TNFRSF10A: variants seen among roughly 807,000 people sequenced by gnomAD.
The protein encoded by TNFRSF10A is tumor necrosis factor receptor superfamily member 10A.
A neutral mutation model predicts 42.8 loss-of-function variants in TNFRSF10A; 44 were observed. The observed-to-expected ratio is 1.03, with a 90% CI of 0.81 to 1.32. TNFRSF10A has a LOEUF of 1.32. Among genes scored for constraint, TNFRSF10A ranks in the 40% most tolerant of loss-of-function variants. TNFRSF10A has a pLI of 0.00. For missense variants in TNFRSF10A, 680 were observed against 602.0 expected (o/e 1.13, Z -1.36); for synonymous variants, 259 against 234.2 (o/e 1.11, Z -0.97).
intron 8 of TNFRSF10A, among the ~76,000 whole-genome samples, chr8:23,197,575 G>A (rs1026775025): frequency 6.6e-6 from 1 of 151,930 alleles, no homozygotes; most frequent in South Asian, 2.1e-4. Flanking sequence ...ACAAGCTCAG[G>A]GCTCCCACTG....
intron 7 of TNFRSF10A, 121 bp downstream of exon 7, chr8:23,199,765 G>T: frequency 7.3e-7 from 1 of 1,375,980 alleles, no homozygotes; most frequent in Non-Finnish European, 1.0e-6. Context: ...CAGCATCCAG[G>T]CCACTTCAGA....
At chr8:23,202,815 T>G in intron 2 of TNFRSF10A, 54 bp from the exon 3 acceptor site, 63 of 1,289,388 alleles carry the variant, frequency 4.9e-5, no homozygotes, top group Non-Finnish European at 6.8e-5. Flanking sequence ...TCCCAGAGGA[T>G]CGTGGCGGTG....
intron 1 of TNFRSF10A, among the ~76,000 whole-genome samples, chr8:23,221,911 CAG>C (rs1563388024): frequency 6.6e-6 from 1 of 151,772 alleles, no homozygotes; most frequent in Non-Finnish European, 1.5e-5. Flanking sequence ...GAGTCTCGCT[CAG>C]TCGCCCAGGC....
At chr8:23,201,682 T>G in intron 4 of TNFRSF10A, 126 bp downstream of exon 4, 1 of 822,028 alleles carries the variant, frequency 1.2e-6, no homozygotes, top group Non-Finnish European at 2.0e-6. Flanking sequence ...GGGACACCTA[T>G]GGGGGTGGAG....
chr8:23,213,954 T>C (rs1169533300), intron 1 of TNFRSF10A, among the ~76,000 whole-genome samples: 1 of 147,042 alleles, frequency 6.8e-6, no homozygotes, highest in Non-Finnish European at 1.5e-5. Context: ...CAGCTGCTTT[T>C]TGTTGTTGTT....
intron 1 of TNFRSF10A, among the ~76,000 whole-genome samples, chr8:23,221,518 C>T (rs1266058723): frequency 6.6e-6 from 1 of 152,276 alleles, no homozygotes. Flanking sequence ...AGAGCCAGGA[C>T]CTGGGGTGAG....
chr8:23,203,210 A>G (rs984452530), intron 2 of TNFRSF10A, among the ~76,000 whole-genome samples: 8 of 152,204 alleles, frequency 5.3e-5, no homozygotes, highest in Non-Finnish European at 1.0e-4. Context: ...TAATGGCCAC[A>G]TAGGCCTAGA....
In TNFRSF10A at chr8:23,201,750, G is replaced by T; in HGVS notation, c.629+58C>A. 2.7e-6 allele frequency: 4 copies of T among 1,488,418 alleles called. No homozygotes were observed. In the South Asian group the frequency reaches 4.6e-5, roughly 17 times the overall value. 92.2% of individuals were successfully genotyped at this position (1,488,418 alleles called of 1,614,324 possible). A position where few individuals can be genotyped will look rare whatever the true frequency, so the allele number is the denominator to read the frequency against. Reference sequence around the variant, plus strand: ...ACAAGGAGACTCGGGTCTTTTTAGGGTTCCTTGCTTCTGTGGGTTCTTTGA... The same window carrying T: ...ACAAGGAGACTCGGGTCTTTTTAGGTTTCCTTGCTTCTGTGGGTTCTTTGA... On this transcript the variant is annotated intron_variant, in intron 4 of 9. Coordinates refer to ENST00000221132, the MANE Select transcript of TNFRSF10A (RefSeq NM_003844.4).
At chr8:23,207,442 C>G in intron 2 of TNFRSF10A, 3 of 463,202 alleles carry the variant, frequency 6.5e-6, no homozygotes, top group Non-Finnish European at 4.1e-6. Context: ...GGCCCAGATG[C>G]CTTTACCACT....
At chr8:23,211,852 T>C (rs1388627635) in intron 2 of TNFRSF10A, among the ~76,000 whole-genome samples, 1 of 152,158 alleles carries the variant, frequency 6.6e-6, no homozygotes, top group Non-Finnish European at 1.5e-5. Context: ...TCTGATGCCA[T>C]TTACAAAAAT....
At chr8:23,192,509 G>A (rs1325221851) in intron 9 of TNFRSF10A, among the ~76,000 whole-genome samples, 1 of 152,190 alleles carries the variant, frequency 6.6e-6, no homozygotes, top group Non-Finnish European at 1.5e-5. Flanking sequence ...AGCAGGCCCT[G>A]ACCAAGAAGC....
At chr8:23,193,901 G>A (rs1161029282) in intron 9 of TNFRSF10A, among the ~76,000 whole-genome samples, 5 of 152,188 alleles carry the variant, frequency 3.3e-5, no homozygotes, top group African/African-American at 1.2e-4. Flanking sequence ...GAATGAGAAA[G>A]TAGGATGGAG....
intron 2 of TNFRSF10A, among the ~76,000 whole-genome samples, chr8:23,206,268 G>T (rs1349598008): frequency 2.6e-5 from 4 of 152,148 alleles, no homozygotes; most frequent in Admixed American, 6.6e-5. Context: ...CAGATTTGGT[G>T]TAGCCTAAAT....
chr8:23,199,216 G>T, intron 8 of TNFRSF10A, 50 bp downstream of exon 8: 1 of 1,583,700 alleles, frequency 6.3e-7, no homozygotes, highest in Non-Finnish European at 8.6e-7. Flanking sequence ...CCGAGGCATG[G>T]CCTTCACCCC....
At chr8:23,218,475 T>C (rs1801214722) in intron 1 of TNFRSF10A, among the ~76,000 whole-genome samples, 5 of 152,180 alleles carry the variant, frequency 3.3e-5, no homozygotes, top group Non-Finnish European at 1.5e-5. Flanking sequence ...TTTGAGTCTT[T>C]CGTGGCTTTT....
chr8:23,206,430 T>TTTATACCATA (rs1801009781), intron 2 of TNFRSF10A, among the ~76,000 whole-genome samples: 2 of 152,236 alleles, frequency 1.3e-5, no homozygotes, highest in Non-Finnish European at 2.9e-5. Context: ...TTTTTAACCT[T>TTTATACCATA]TTATACCATA....
chr8:23,197,580 C>T (rs11779047), intron 8 of TNFRSF10A, among the ~76,000 whole-genome samples: 34,209 of 152,010 alleles, frequency 0.23, 4,058 homozygotes, highest in South Asian at 0.34. Flanking sequence ...CTCAGGGCTC[C>T]CACTGACTCT....
Position 23,199,781 on chromosome 8 carries a change from AGG to A in TNFRSF10A, c.831+103_831+104del, listed in dbSNP as rs1251477479. On this transcript the variant is annotated intron_variant, in intron 7 of 9. Coordinates refer to ENST00000221132, the MANE Select transcript of TNFRSF10A (RefSeq NM_003844.4). ...AGCATCCAGGCCACTTCAGAGACTC[AGG>A]GCAGCCATGAGAGCACGGGGACCCA... The A allele has an allele frequency of 2.0e-6, 3 of 1,492,916 alleles. No individual in the cohort carries two copies. In the African/African-American group the frequency reaches 4.1e-5, roughly 21 times the overall value. 92.5% of individuals were successfully genotyped at this position (1,492,916 alleles called of 1,614,324 possible). A position where few individuals can be genotyped will look rare whatever the true frequency, so the allele number is the denominator to read the frequency against.
chr8:23,205,154 G>A (rs530752459), intron 2 of TNFRSF10A, among the ~76,000 whole-genome samples: 70 of 152,002 alleles, frequency 4.6e-4, no homozygotes, highest in African/African-American at 1.6e-3. Context: ...TAAATAGATC[G>A]ATATATTGGC....
Sources: allele counts gnomAD v4.1 joint callset (sites outside exome capture counted in the v4.1 genomes callset), GRCh38; gene constraint gnomAD v4.1.1; transcripts MANE v1.5; gene names NCBI Gene and HGNC (gene_info 2026-07-23, HGNC 2026-07-21).